Variants in CCNY observed in about 807,000 individuals in gnomAD.
The protein encoded by CCNY is cyclin Y.
In CCNY, 19 loss-of-function variants were observed where a neutral mutation model predicts 42.8. That is an observed-to-expected ratio of 0.44 (90% CI 0.31 to 0.65). CCNY has a LOEUF of 0.65. CCNY is among the 30% of genes least tolerant of loss of function. CCNY has a pLI of 0.07. For missense variants in CCNY, 370 were observed against 437.3 expected (o/e 0.85, Z 1.37); for synonymous variants, 165 against 162.7 (o/e 1.01, Z -0.11).
At chr10:35,480,471 C>T (rs1337217991) in intron 1 of CCNY, among the ~76,000 whole-genome samples, 2 of 152,076 alleles carry the variant, frequency 1.3e-5, no homozygotes, top group Admixed American at 6.5e-5. Flanking sequence ...CTGAGCTGGT[C>T]AGTTTTCACC....
chr10:35,558,692 A>T (rs988627841), intron 8 of CCNY, among the ~76,000 whole-genome samples: 1 of 152,252 alleles, frequency 6.6e-6, no homozygotes, highest in Non-Finnish European at 1.5e-5. Flanking sequence ...CACAGACAAC[A>T]CAGAGGGATG....
rs982596271 is a variant in CCNY, at chr10:35,478,096, T to C, written c.155-5308T>C. The stretch of plus-strand genomic sequence containing the variant: ...CAACTTACAAGGGATGTGAAGGACC[T>C]CTTCAAGGAGAACTACAAACTGCTG... On this transcript the variant is annotated intron_variant, in intron 1 of 9. Coordinates refer to ENST00000374704, the MANE Select transcript of CCNY (RefSeq NM_145012.6). Among the ~76,000 whole-genome samples the C allele has an allele frequency of 5.3e-5, 8 of 150,182 alleles. No homozygotes were observed. The South Asian group carries it at 6.4e-4, about 12-fold the overall frequency.
chr10:35,420,128 A>C (rs1838129303), intron 1 of CCNY, among the ~76,000 whole-genome samples: 1 of 152,122 alleles, frequency 6.6e-6, no homozygotes, highest in Non-Finnish European at 1.5e-5. Flanking sequence ...AAATAGTGGA[A>C]GAATCATCAT....
intron 1 of CCNY, among the ~76,000 whole-genome samples, chr10:35,432,136 T>C (rs751024870): frequency 1.3e-5 from 2 of 152,200 alleles, no homozygotes; most frequent in African/African-American, 2.4e-5. Context: ...TAACCCAGAT[T>C]GTCTAAGTGT....
chr10:35,564,140 A>G (rs1841520894), intron 8 of CCNY, among the ~76,000 whole-genome samples: 1 of 151,808 alleles, frequency 6.6e-6, no homozygotes, highest in African/African-American at 2.4e-5. Flanking sequence ...TCAGCCTCCC[A>G]AAGTGCTGAG....
At chr10:35,259,672 GT>G (rs1202854456) in intron 3 of CCNY, among the ~76,000 whole-genome samples, 3 of 86,348 alleles carry the variant, frequency 3.5e-5, no homozygotes, top group East Asian at 3.5e-4. Flanking sequence ...CTGGCTAATT[GT>G]TTTTTTTTTT....
intron 1 of CCNY, among the ~76,000 whole-genome samples, chr10:35,464,634 T>A (rs1340777083): frequency 6.6e-6 from 1 of 152,130 alleles, no homozygotes; most frequent in Non-Finnish European, 1.5e-5. Flanking sequence ...GCCTGCTCCC[T>A]TGTTAGCCTG....
intron 7 of CCNY, among the ~76,000 whole-genome samples, chr10:35,537,193 A>C (rs1186401469): frequency 1.3e-5 from 2 of 152,200 alleles, no homozygotes; most frequent in African/African-American, 4.8e-5. Flanking sequence ...TGTGGCATTG[A>C]GCCTGCAGGT....
Position 35,353,625 on chromosome 10 carries a change from G to A in CCNY, c.154+16418G>A, listed in dbSNP as rs117097032. Reference sequence around the variant, plus strand: ...GGCTCCCCAAAGCTGGTTCACAGCAGTTCTCAGTCTGAGAGCAAGTCTTCT... The same window carrying A: ...GGCTCCCCAAAGCTGGTTCACAGCAATTCTCAGTCTGAGAGCAAGTCTTCT... On this transcript the variant is annotated intron_variant, in intron 1 of 9. Transcript: ENST00000374704. Among the ~76,000 whole-genome samples the A allele has an allele frequency of 7.1e-3, 1,080 of 152,298 alleles. 5 individuals are homozygous for A. Among genetic ancestry groups the A allele is most frequent in the Non-Finnish European group, 9.9e-3 (675 of 68,020 alleles).
chr10:35,378,600 G>A (rs572827864), intron 1 of CCNY, among the ~76,000 whole-genome samples: 36 of 152,166 alleles, frequency 2.4e-4, no homozygotes, highest in Admixed American at 1.2e-3. Context: ...GGAGCTAGAA[G>A]GACAGTAGAA....
chr10:35,354,712 G>A (rs1836506190), intron 1 of CCNY, among the ~76,000 whole-genome samples: 1 of 152,146 alleles, frequency 6.6e-6, no homozygotes, highest in Non-Finnish European at 1.5e-5. Flanking sequence ...AAAACAGACG[G>A]GGAGTGGGAG....
chr10:35,310,871 T>C (rs1835675048), intron 3 of CCNY, among the ~76,000 whole-genome samples: 1 of 152,234 alleles, frequency 6.6e-6, no homozygotes, highest in Non-Finnish European at 1.5e-5. Context: ...CCGGGAATCG[T>C]GGCTCACGCC....
Position 35,272,928 on chromosome 10 carries a change from C to CT in CCNY, c.-9+22314dup, listed in dbSNP as rs879779131. ...TTTCTCTCCACAACTTTGCTAGCAC[C>CT]TTTTTTTTTTTTGACTTTTTAATAA... On this transcript the variant is annotated intron_variant, in intron 3 of 11. Transcript: ENST00000374706. Among the ~76,000 whole-genome samples the CT allele has an allele frequency of 8.9e-3, 1,272 of 143,000 alleles. 16 individuals are homozygous for CT. The highest frequency in any genetic ancestry group is 0.028 in the African/African-American group (1,106 of 39,288). 93.8% of individuals were successfully genotyped at this position (143,000 alleles called of 152,430 possible). A position where few individuals can be genotyped will look rare whatever the true frequency, so the allele number is the denominator to read the frequency against.
At chr10:35,362,197 A>G (rs1292462570) in intron 1 of CCNY, among the ~76,000 whole-genome samples, 1 of 152,238 alleles carries the variant, frequency 6.6e-6, no homozygotes, top group Non-Finnish European at 1.5e-5. Context: ...CTCAGCCTAT[A>G]TATACATTAT....
intron 3 of CCNY, among the ~76,000 whole-genome samples, chr10:35,275,417 C>T (rs1835226521): frequency 6.6e-6 from 1 of 152,006 alleles, no homozygotes; most frequent in African/African-American, 2.4e-5. Flanking sequence ...TCCACTTGGC[C>T]TTCCCACTGC....
chr10:35,317,644 C>T (rs191208893), intron 3 of CCNY, among the ~76,000 whole-genome samples: 3 of 152,350 alleles, frequency 2.0e-5, no homozygotes, highest in East Asian at 3.9e-4. Flanking sequence ...GAAGAGAGCA[C>T]ATTTCCTTGA....
chr10:35,381,174 T>C (rs1837175293), intron 1 of CCNY, among the ~76,000 whole-genome samples: 1 of 152,222 alleles, frequency 6.6e-6, no homozygotes, highest in Non-Finnish European at 1.5e-5. Context: ...TCCCCCAAAA[T>C]CTTTTGTTGG....
At chr10:35,404,311 C>G (rs946567992) in intron 1 of CCNY, among the ~76,000 whole-genome samples, 1 of 152,142 alleles carries the variant, frequency 6.6e-6, no homozygotes, top group Non-Finnish European at 1.5e-5. Flanking sequence ...TGTAAGAATT[C>G]TGACCACACA....
chr10:35,524,203 G>T (rs888216688), intron 4 of CCNY, among the ~76,000 whole-genome samples: 1 of 152,054 alleles, frequency 6.6e-6, no homozygotes, highest in Non-Finnish European at 1.5e-5. Context: ...ATTTTTTCTT[G>T]CAGGACTGTT....
Sources: allele counts gnomAD v4.1 joint callset (sites outside exome capture counted in the v4.1 genomes callset), GRCh38; gene constraint gnomAD v4.1.1; transcripts MANE v1.5; gene names NCBI Gene and HGNC (gene_info 2026-07-23, HGNC 2026-07-21).